BTBD9: variants seen among roughly 807,000 people sequenced by gnomAD.
The protein encoded by BTBD9 is BTB domain containing 9.
A neutral mutation model predicts 64.3 loss-of-function variants in BTBD9; 49 were observed. The ratio of observed to expected loss-of-function variants is 0.76; its 90% CI spans 0.61 to 0.97. The LOEUF is 0.97. Among genes scored for constraint, BTBD9 ranks in the 50% least tolerant of loss-of-function variants. The pLI, the probability that BTBD9 is intolerant of heterozygous loss-of-function variation, is 0.00. For synonymous variants in BTBD9, 260 were observed against 274.7 expected (o/e 0.95, Z 0.53); for missense variants, 598 against 762.1 (o/e 0.78, Z 2.53).
At chr6:38,266,604 AG>A (rs11305547) in intron 8 of BTBD9, among the ~76,000 whole-genome samples, 2,377 of 122,244 alleles carry the variant, frequency 0.019, 97 homozygotes, top group African/African-American at 0.071. Flanking sequence ...AAGGAAAGAA[AG>A]GAAAGAAAGA....
intron 6 of BTBD9, among the ~76,000 whole-genome samples, chr6:38,408,762 A>G (rs1008324098): frequency 6.6e-6 from 1 of 152,224 alleles, no homozygotes; most frequent in Non-Finnish European, 1.5e-5. Flanking sequence ...ACAGGCTTCC[A>G]AATTAATTTT....
chr6:38,247,047 T>C (rs1190231839), intron 9 of BTBD9, among the ~76,000 whole-genome samples: 1 of 152,138 alleles, frequency 6.6e-6, no homozygotes, highest in Admixed American at 6.5e-5. Flanking sequence ...AGTGACCTCC[T>C]GGAACCAACC....
intron 6 of BTBD9, among the ~76,000 whole-genome samples, chr6:38,515,499 A>C (rs912675965): frequency 6.6e-6 from 1 of 152,222 alleles, no homozygotes; most frequent in Non-Finnish European, 1.5e-5. Flanking sequence ...AAAACTCCTC[A>C]AATCACACAG....
At chr6:38,587,872 T>C (rs1776611208) in intron 4 of BTBD9, 3 of 722,858 alleles carry the variant, frequency 4.2e-6, no homozygotes, top group South Asian at 1.4e-5. Flanking sequence ...TAAAAAATAA[T>C]GTTACGTCGG....
intron 9 of BTBD9, among the ~76,000 whole-genome samples, chr6:38,250,076 A>G (rs971483097): frequency 3.9e-5 from 6 of 152,350 alleles, no homozygotes; most frequent in Admixed American, 3.3e-4. Flanking sequence ...CGCAGCAGAC[A>G]TTCCACTACC....
chr6:38,228,702 C>T (rs1272970973), intron 9 of BTBD9, among the ~76,000 whole-genome samples: 1 of 150,924 alleles, frequency 6.6e-6, no homozygotes, highest in Non-Finnish European at 1.5e-5. Context: ...GGTGAAACCC[C>T]GTCTCTACTA....
chr6:38,453,357 G>T (rs77065361), intron 6 of BTBD9, among the ~76,000 whole-genome samples: 6,170 of 152,146 alleles, frequency 0.041, 191 homozygotes, highest in Admixed American at 0.069. Context: ...CTTTTAAAAT[G>T]GCTTTCTGGG....
chr6:38,378,083 G>A (rs543551182), intron 6 of BTBD9, among the ~76,000 whole-genome samples: 7 of 151,966 alleles, frequency 4.6e-5, no homozygotes, highest in African/African-American at 1.2e-4. Context: ...CCATGGCTCC[G>A]CCCCGTCCTC....
chr6:38,634,588 G>A (rs35812457), intron 1 of BTBD9, among the ~76,000 whole-genome samples: 1 of 152,082 alleles, frequency 6.6e-6, no homozygotes, highest in East Asian at 1.9e-4. Context: ...AAAAAAAAGG[G>A]GGGGGAGAGG....
In BTBD9 at chr6:38,577,595, C is replaced by T. The variant is rs567234529; in HGVS notation, c.1154+5G>A. On this transcript the variant is annotated splice_donor_5th_base_variant and intron_variant, in intron 6 of 10. Coordinates refer to ENST00000481247, the MANE Select transcript of BTBD9 (RefSeq NM_001099272.2). ...AAAATCATTTATTAACCACTGAAAA[C>T]TAACCTGCAGACACGGGCTGGAAAA... The T allele has an allele frequency of 3.1e-6, 5 of 1,599,956 alleles. No individual in the cohort carries two copies. In the Admixed American group the frequency reaches 7.0e-5, roughly 22 times the overall value.
chr6:38,574,378 T>C (rs1178538400), intron 6 of BTBD9, among the ~76,000 whole-genome samples: 2 of 152,176 alleles, frequency 1.3e-5, no homozygotes, highest in African/African-American at 4.8e-5. Flanking sequence ...ATAGGCCGGT[T>C]GTTAAGATAA....
At chr6:38,449,363 C>T (rs1427024742) in intron 6 of BTBD9, among the ~76,000 whole-genome samples, 2 of 152,140 alleles carry the variant, frequency 1.3e-5, no homozygotes, top group Non-Finnish European at 2.9e-5. Context: ...TACCTGACTT[C>T]AAAATATACT....
chr6:38,187,010 G>A (rs1761847767), intron 10 of BTBD9, among the ~76,000 whole-genome samples: 1 of 152,120 alleles, frequency 6.6e-6, no homozygotes, highest in South Asian at 2.1e-4. Flanking sequence ...ATTTTCATGG[G>A]TGCACAGACT....
chr6:38,187,413 C>T (rs933884102), intron 10 of BTBD9, among the ~76,000 whole-genome samples: 2 of 152,104 alleles, frequency 1.3e-5, no homozygotes, highest in Admixed American at 1.3e-4. Flanking sequence ...GCAGTGGGGA[C>T]AATCAGATGC....
chr6:38,315,218 T>C (rs924661883), intron 7 of BTBD9, among the ~76,000 whole-genome samples: 35 of 152,208 alleles, frequency 2.3e-4, no homozygotes, highest in African/African-American at 8.4e-4. Context: ...ATTTTATTTT[T>C]CAAAAAGGAA....
At position 38,218,153 on chromosome 6, in the gene BTBD9, C is replaced by T. The variant is rs73410493; in HGVS notation, c.1563-25556G>A. Reference sequence around the variant, plus strand: ...TCACCAGTATGTCATACCTCTGGTTCCAGTAATTATTCTATATTCAAGTCT... The same window carrying T: ...TCACCAGTATGTCATACCTCTGGTTTCAGTAATTATTCTATATTCAAGTCT... On this transcript the variant is annotated intron_variant, in intron 9 of 10. Transcript: ENST00000481247. Among the ~76,000 whole-genome samples the T allele has an allele frequency of 3.3e-3, 503 of 152,238 alleles. 2 individuals carry two copies. The highest frequency in any genetic ancestry group is 0.012 in the African/African-American group (481 of 41,532).
intron 9 of BTBD9, among the ~76,000 whole-genome samples, chr6:38,194,871 C>T (rs1313725160): frequency 2.0e-5 from 3 of 152,166 alleles, no homozygotes; most frequent in Non-Finnish European, 4.4e-5. Context: ...GCAGGGGAGG[C>T]AGGGCTGGCA....
At chr6:38,585,902 A>C (rs1027531398) in intron 4 of BTBD9, among the ~76,000 whole-genome samples, 1 of 150,926 alleles carries the variant, frequency 6.6e-6, no homozygotes, top group African/African-American at 2.4e-5. Context: ...CAGTCTGAGG[A>C]AACTATAGGG....
intron 9 of BTBD9, among the ~76,000 whole-genome samples, chr6:38,253,625 A>G (rs911014092): frequency 6.6e-6 from 1 of 152,228 alleles, no homozygotes. Context: ...GTGGTGGGTA[A>G]GACATGTACA....
Sources: allele counts gnomAD v4.1 joint callset (sites outside exome capture counted in the v4.1 genomes callset), GRCh38; gene constraint gnomAD v4.1.1; transcripts MANE v1.5; gene names NCBI Gene and HGNC (gene_info 2026-07-23, HGNC 2026-07-21).